SMYD5: variants seen among roughly 807,000 people sequenced by gnomAD.
SMYD5 encodes the protein SMYD family member 5, also known as protein-lysine N-trimethyltransferase SMYD5.
A neutral mutation model predicts 57.4 loss-of-function variants in SMYD5; 35 were observed. The observed-to-expected ratio is 0.61, with a 90% confidence interval of 0.47 to 0.81. The LOEUF is 0.81. Among genes scored for constraint, SMYD5 ranks in the 30% least tolerant of loss-of-function variants. The pLI is 0.00. For synonymous variants in SMYD5, 198 were observed against 189.7 expected, an observed-to-expected ratio of 1.04 and a Z score of -0.36; for missense variants, 471 against 527.9, an observed-to-expected ratio of 0.89 and a Z score of 1.06.
At position 73,223,024 on chromosome 2, in the gene SMYD5, T is replaced by A; in HGVS notation, c.706-12T>A. The A allele has an allele frequency of 6.2e-7, 1 of 1,613,234 alleles. No homozygotes were observed. Among genetic ancestry groups the A allele is most frequent in the Admixed American group, 1.7e-5 (1 of 60,032 alleles). On this transcript the variant is annotated splice_polypyrimidine_tract_variant and intron_variant, in intron 7 of 12. Coordinates refer to ENST00000389501, the MANE Select transcript of SMYD5 (RefSeq NM_006062.3). ...GCTGTAATGAGCACTCATCTCTTTT[T>A]TCCCCCCACAGTGGTTCACTCCAGA...
At chr2:73,223,923 T>C in intron 9 of SMYD5, 24 bp from the exon 10 acceptor site, 4 of 1,608,746 alleles carry the variant, frequency 2.5e-6, no homozygotes, top group Non-Finnish European at 3.4e-6. Context: ...GGTAGAATAA[T>C]GTGTGTGTAT....
At chr2:73,217,879 C>T (rs1369781301) in intron 1 of SMYD5, among the ~76,000 whole-genome samples, 1 of 152,134 alleles carries the variant, frequency 6.6e-6, no homozygotes, top group African/African-American at 2.4e-5. Flanking sequence ...TCTGCTGAGT[C>T]CTTTTGCACA....
At chr2:73,217,093 A>C (rs1686306351) in intron 1 of SMYD5, among the ~76,000 whole-genome samples, 1 of 152,064 alleles carries the variant, frequency 6.6e-6, no homozygotes, top group Non-Finnish European at 1.5e-5. Flanking sequence ...CTGGGACTAC[A>C]GGTGAACACC....
At chr2:73,223,174 C>A in intron 8 of SMYD5, 68 bp downstream of exon 8, 1 of 1,303,678 alleles carries the variant, frequency 7.7e-7, no homozygotes, top group Non-Finnish European at 1.1e-6. Context: ...AGCCACAGTT[C>A]CTTTCAAGAC....
intron 1 of SMYD5, among the ~76,000 whole-genome samples, chr2:73,218,270 G>C (rs1686324564): frequency 6.6e-6 from 1 of 152,228 alleles, no homozygotes; most frequent in African/African-American, 2.4e-5. Context: ...GCAAGTTAAT[G>C]TTAGGACTGG....
At chr2:73,214,472 A>G in intron 1 of SMYD5, 110 bp downstream of exon 1, 1 of 1,556,406 alleles carries the variant, frequency 6.4e-7, no homozygotes, top group South Asian at 1.2e-5. Flanking sequence ...CTCGGACGCT[A>G]CGGCCCTGCC....
intron 1 of SMYD5, among the ~76,000 whole-genome samples, chr2:73,217,032 A>G (rs1399352825): frequency 5.3e-5 from 8 of 151,186 alleles, no homozygotes; most frequent in Non-Finnish European, 1.2e-4. Context: ...GCTCACTGCA[A>G]CCTCCGCCTC....
At position 73,217,437 on chromosome 2, in the gene SMYD5, A is replaced by G. The variant is rs1246963641; in HGVS notation, c.97-1424A>G. ...TCCAATATTGAAATTTGAGATTGTC[A>G]GAAATAATGTGAGTCCCTGTTCATA... On this transcript the variant is annotated intron_variant, in intron 1 of 12. Coordinates refer to ENST00000389501, the MANE Select transcript of SMYD5 (RefSeq NM_006062.3). Among the ~76,000 whole-genome samples the G allele has an allele frequency of 2.6e-5, 4 of 152,244 alleles. No homozygotes were observed. The East Asian group carries it at 7.7e-4, about 29-fold the overall frequency.
intron 12 of SMYD5, 36 bp from the exon 13 acceptor site, chr2:73,225,760 C>G (rs756528335): frequency 6.2e-7 from 1 of 1,613,994 alleles, no homozygotes; most frequent in Admixed American, 1.7e-5. Flanking sequence ...CCATAGCTCC[C>G]TGACTTTTCC....
Position 73,225,854 on chromosome 2 carries a change from A to G in SMYD5, c.1165A>G (p.Asn389Asp), listed in dbSNP as rs774147506. The change falls in exon 13 of 13, where the codon AAT becomes GAT. Residue 389 changes from asparagine to aspartate, a missense_variant. By Grantham distance (23) the Asn-to-Asp change is conservative (BLOSUM62 1). Transcript: ENST00000389501. The stretch of plus-strand genomic sequence containing the variant: ...ATGCCTGGCAGAGGCTGATGAACCC[A>G]ATGTGACCTCAGAAGAGGAAGAGGA... ...PKCLAEADEP[N>D]VTSEEEEEEE... is the part of the protein sequence containing the mutation. 6.2e-7 allele frequency: 1 copy of G among 1,614,126 alleles called. No individual in the cohort carries two copies. The highest frequency in any genetic ancestry group is 8.5e-7 in the Non-Finnish European group (1 of 1,180,010).
chr2:73,224,079 C>T, intron 10 of SMYD5, 76 bp downstream of exon 10: 1 of 1,391,208 alleles, frequency 7.2e-7, no homozygotes, highest in South Asian at 1.2e-5. Context: ...CACAGTTTAT[C>T]TTTCTCAGTT....
intron 6 of SMYD5, among the ~76,000 whole-genome samples, chr2:73,222,534 A>T (rs1686415082): frequency 6.6e-6 from 1 of 152,168 alleles, no homozygotes; most frequent in African/African-American, 2.4e-5. Flanking sequence ...AAGTGCTGGA[A>T]AATGGAGAGA....
chr2:73,221,383 G>T, intron 5 of SMYD5, 149 bp downstream of exon 5: 1 of 611,856 alleles, frequency 1.6e-6, no homozygotes, highest in Non-Finnish European at 2.9e-6. Flanking sequence ...AAAACCTTCA[G>T]AATGCACTCT....
At chr2:73,215,085 G>A (rs1044399130) in intron 1 of SMYD5, among the ~76,000 whole-genome samples, 3 of 152,178 alleles carry the variant, frequency 2.0e-5, no homozygotes, top group Non-Finnish European at 4.4e-5. Context: ...CTGAGTAGTA[G>A]CTTCTTCCGT....
Position 73,221,890 on chromosome 2 carries a change from A to G in SMYD5, c.602A>G (p.Glu201Gly). Reference protein sequence around the residue: ...SQFCNKTANEEEEIVHKLLGD... With the variant: ...SQFCNKTANEGEEIVHKLLGD... The stretch of plus-strand genomic sequence containing the variant: ...TTTTGTAACAAAACAGCCAATGAAG[A>G]GGAGGAAATTGTCCATAAACTTCTG... Residue 201 changes from glutamate (E) to glycine (G), a missense_variant, in exon 6 of 13, where the codon GAG becomes GGG. By Grantham distance (98) the Glu-to-Gly change is moderately conservative. Coordinates refer to ENST00000389501, the MANE Select transcript of SMYD5 (RefSeq NM_006062.3). The G allele has an allele frequency of 2.5e-6, 4 of 1,613,838 alleles. No homozygotes were observed. Among genetic ancestry groups the G allele is most frequent in the Non-Finnish European group, 3.4e-6 (4 of 1,179,718 alleles).
chr2:73,222,970 A>G (rs752785444), intron 7 of SMYD5, 66 bp from the exon 8 acceptor site: 27 of 1,536,458 alleles, frequency 1.8e-5, no homozygotes, highest in Non-Finnish European at 2.3e-5. Flanking sequence ...CTTCCCAAAC[A>G]GAGAGTCCAA....
intron 1 of SMYD5, chr2:73,214,816 C>A: frequency 7.6e-7 from 1 of 1,307,324 alleles, no homozygotes; most frequent in Non-Finnish European, 1.0e-6. Context: ...GAATTTGGAC[C>A]AGAGTCCAAA....
Position 73,226,125 on chromosome 2 carries a change from A to C in SMYD5, c.*179A>C. On this transcript the variant is annotated 3_prime_UTR_variant, in exon 13 of 13. Coordinates refer to ENST00000389501, the MANE Select transcript of SMYD5 (RefSeq NM_006062.3). ...CTGGCCCCAACCCCCACCAGACCTC[A>C]TGCCCTGGACACTGCTGCTGAGTTG... 71 of 820,600 alleles carry C rather than the reference A, an allele frequency of 8.7e-5. No individual in the cohort carries two copies. Among genetic ancestry groups the C allele is most frequent in the Non-Finnish European group, 1.2e-4 (63 of 539,020 alleles). 50.8% of individuals were successfully genotyped at this position (820,600 alleles called of 1,614,324 possible).
chr2:73,221,320 GC>G, intron 5 of SMYD5, 86 bp downstream of exon 5: 1 of 1,095,612 alleles, frequency 9.1e-7, no homozygotes, highest in Non-Finnish European at 1.4e-6. Flanking sequence ...CAAAGCCCTA[GC>G]TTGGATGCAG....
Sources: allele counts gnomAD v4.1 joint callset (sites outside exome capture counted in the v4.1 genomes callset), GRCh38; gene constraint gnomAD v4.1.1; transcripts MANE v1.5; gene names NCBI Gene and HGNC (gene_info 2026-07-23, HGNC 2026-07-21).